The following OSBPL8 variants were observed in gnomAD, a reference collection of about 807,000 sequenced individuals.
OSBPL8 encodes oxysterol binding protein like 8.
Under a neutral mutation model 125.5 loss-of-function variants are expected in OSBPL8, and 59 were observed. The ratio of observed to expected loss-of-function variants is 0.47; its 90% CI spans 0.38 to 0.58. The LOEUF (loss-of-function observed/expected upper bound fraction) is 0.58, where lower values mean the gene tolerates loss of function less well. Ranked by LOEUF, OSBPL8 falls within the 20% of genes least tolerant of loss-of-function variation. The probability of loss-of-function intolerance (pLI) is 0.00; values close to 1 mark genes in which losing one functional copy is unlikely to be tolerated. For missense variants in OSBPL8, 758 were observed against 1,047.8 expected (o/e 0.72, Z 3.82); for synonymous variants, 330 against 338.9 (o/e 0.97, Z 0.29).
At chr12:76,460,001 A>ATTTTGATGTGT in intron 2 of OSBPL8, 106 bp from the exon 3 acceptor site, 1 of 1,058,898 alleles carries the variant, frequency 9.4e-7, no homozygotes, top group Non-Finnish European at 1.5e-6. Flanking sequence ...CAAGGAAAAT[A>ATTTTGATGTGT]GCATTAGTTT....
At chr12:76,407,010 A>C (rs1375279730) in intron 5 of OSBPL8, among the ~76,000 whole-genome samples, 1 of 152,198 alleles carries the variant, frequency 6.6e-6, no homozygotes, top group Non-Finnish European at 1.5e-5. Context: ...TTTAACCTAA[A>C]ATCCTGTGAC....
At chr12:76,478,961 T>C (rs756098214) in intron 2 of OSBPL8, among the ~76,000 whole-genome samples, 6 of 152,114 alleles carry the variant, frequency 3.9e-5, no homozygotes, top group Non-Finnish European at 8.8e-5. Flanking sequence ...GGCAGGCGCC[T>C]GTAGTCCCAG....
chr12:76,460,703 T>C (rs1380810821), intron 2 of OSBPL8, among the ~76,000 whole-genome samples: 1 of 152,220 alleles, frequency 6.6e-6, no homozygotes, highest in Non-Finnish European at 1.5e-5. Flanking sequence ...GTAACTATTT[T>C]AACATAAATT....
At chr12:76,404,735 C>G (rs145534400) in intron 5 of OSBPL8, among the ~76,000 whole-genome samples, 4 of 152,244 alleles carry the variant, frequency 2.6e-5, no homozygotes, top group African/African-American at 7.2e-5. Flanking sequence ...ATACAGTATA[C>G]AATACCTATA....
At chr12:76,450,440 A>G (rs1873243644) in intron 4 of OSBPL8, among the ~76,000 whole-genome samples, 1 of 152,208 alleles carries the variant, frequency 6.6e-6, no homozygotes, top group South Asian at 2.1e-4. Context: ...TTACATTAAC[A>G]TGTAATGGGT....
intron 1 of OSBPL8, among the ~76,000 whole-genome samples, chr12:76,558,067 T>G (rs1456710616): frequency 2.0e-5 from 3 of 152,146 alleles, no homozygotes; most frequent in Non-Finnish European, 2.9e-5. Flanking sequence ...AAGTTTCATC[T>G]ATTTCCTTTC....
intron 2 of OSBPL8, among the ~76,000 whole-genome samples, chr12:76,463,851 T>C (rs1875046667): frequency 6.6e-6 from 1 of 152,222 alleles, no homozygotes; most frequent in South Asian, 2.1e-4. Flanking sequence ...AAGTAACGTA[T>C]ACCACTGAAG....
intron 4 of OSBPL8, among the ~76,000 whole-genome samples, chr12:76,438,681 T>C (rs1318465835): frequency 6.6e-6 from 1 of 152,232 alleles, no homozygotes; most frequent in Non-Finnish European, 1.5e-5. Flanking sequence ...AGAGTTTTTA[T>C]CGTGAGTAGA....
intron 1 of OSBPL8, among the ~76,000 whole-genome samples, chr12:76,545,892 G>T (rs1170103574): frequency 6.6e-6 from 1 of 152,098 alleles, no homozygotes; most frequent in Non-Finnish European, 1.5e-5. Flanking sequence ...ACGTGACAAG[G>T]AAAAAATTCT....
In OSBPL8 at chr12:76,463,370, G is replaced by A. The variant is rs140029643; in HGVS notation, c.43-3475C>T. Among the ~76,000 whole-genome samples the A allele has an allele frequency of 4.6e-5, 7 of 152,298 alleles. No individual in the cohort carries two copies. The East Asian group carries it at 1.3e-3, about 29-fold the overall frequency. ...TGAGACAGAAAAGATAGTGAGAGCA[G>A]CTAGTTTACAGGAAGAAATATAAGG... On this transcript the variant is annotated intron_variant, in intron 2 of 23. Coordinates refer to ENST00000261183, the MANE Select transcript of OSBPL8 (RefSeq NM_020841.5).
In OSBPL8 at chr12:76,369,313, A is replaced by G. The variant is rs774513217; in HGVS notation, c.2241-12T>C. On this transcript the variant is annotated splice_polypyrimidine_tract_variant and intron_variant, in intron 20 of 23. Coordinates refer to ENST00000261183, the MANE Select transcript of OSBPL8 (RefSeq NM_020841.5). ...CCCATGGTCGGGTACTACATAAATG[A>G]AAAAAAAAAAAACCATTTGCTCAAT... The G allele has an allele frequency of 4.6e-6, 3 of 656,852 alleles. No individual in the cohort carries two copies. Among genetic ancestry groups the G allele is most frequent in the East Asian group, 3.2e-5 (1 of 31,178 alleles). The allele number at this position is 656,852 out of a possible 1,614,324, so 40.7% of individuals were successfully genotyped here.
chr12:76,366,208 T>C (rs1952408495), intron 21 of OSBPL8, among the ~76,000 whole-genome samples: 1 of 152,214 alleles, frequency 6.6e-6, no homozygotes, highest in South Asian at 2.1e-4. Context: ...CACCTGAACT[T>C]GAATTTTTCT....
chr12:76,514,162 TGA>T (rs1343962230), intron 1 of OSBPL8, among the ~76,000 whole-genome samples: 1 of 152,150 alleles, frequency 6.6e-6, no homozygotes, highest in Non-Finnish European at 1.5e-5. Context: ...ATCTTTTTTT[TGA>T]GATAGAGTCT....
At chr12:76,431,163 T>A (rs532387142) in intron 4 of OSBPL8, among the ~76,000 whole-genome samples, 7 of 151,938 alleles carry the variant, frequency 4.6e-5, no homozygotes, top group Non-Finnish European at 8.8e-5. Context: ...ATAGCTGAAG[T>A]TTGTTATTAG....
intron 2 of OSBPL8, among the ~76,000 whole-genome samples, chr12:76,481,443 T>C (rs1017126721): frequency 6.6e-6 from 1 of 152,000 alleles, no homozygotes; most frequent in Non-Finnish European, 1.5e-5. Flanking sequence ...CTGGGAAACA[T>C]AGCAAGACCC....
At chr12:76,543,227 A>C (rs906391179) in intron 1 of OSBPL8, among the ~76,000 whole-genome samples, 21 of 152,272 alleles carry the variant, frequency 1.4e-4, no homozygotes, top group Admixed American at 7.2e-4. Flanking sequence ...TATTGAATTA[A>C]TGGTCTTGTA....
chr12:76,456,819 C>G (rs1874108451), intron 3 of OSBPL8, among the ~76,000 whole-genome samples: 1 of 152,040 alleles, frequency 6.6e-6, no homozygotes, highest in African/African-American at 2.4e-5. Flanking sequence ...AATTACAGTA[C>G]TATACCATAT....
intron 21 of OSBPL8, among the ~76,000 whole-genome samples, chr12:76,366,838 C>T (rs912670303): frequency 2.6e-5 from 4 of 151,982 alleles, no homozygotes; most frequent in African/African-American, 4.8e-5. Context: ...ACTCTGTTGC[C>T]CAGGCTGGAG....
At chr12:76,536,842 A>G (rs539333464) in intron 1 of OSBPL8, among the ~76,000 whole-genome samples, 4 of 151,246 alleles carry the variant, frequency 2.6e-5, no homozygotes, top group African/African-American at 9.7e-5. Context: ...AAAACGAGTA[A>G]TCTTCCCATC....
Sources: gnomAD v4.1 joint callset for allele counts (sites outside exome capture counted in the v4.1 genomes callset) on GRCh38, gnomAD v4.1.1 for gene constraint, MANE v1.5 for transcripts, NCBI Gene and HGNC (gene_info 2026-07-23, HGNC 2026-07-21) for gene names.